LGALS8: variants seen among roughly 807,000 people sequenced by gnomAD.
The protein encoded by LGALS8 is galectin-8.
LGALS8 carries 30 observed loss-of-function variants against 35.9 expected under a neutral mutation model. That is an observed-to-expected ratio of 0.83 (90% CI 0.62 to 1.13). The LOEUF (loss-of-function observed/expected upper bound fraction) is 1.13. Among genes scored for constraint, LGALS8 ranks in the 50% most tolerant of loss-of-function variants. The probability of loss-of-function intolerance (pLI) is 0.00; values close to 1 mark genes in which losing one functional copy is unlikely to be tolerated. For synonymous variants in LGALS8, 138 were observed against 136.1 expected, an observed-to-expected ratio of 1.01 and a Z score of -0.10; for missense variants, 366 against 388.7, an observed-to-expected ratio of 0.94 and a Z score of 0.49.
rs1571987918 is a variant in LGALS8, at chr1:236,525,935, A to G, written c.-103-33A>G. 3.3e-5 allele frequency: 18 copies of G among 544,024 alleles called. No individual in the cohort carries two copies. In the East Asian group the frequency reaches 5.1e-4, roughly 16 times the overall value. 33.7% of individuals were successfully genotyped at this position (544,024 alleles called of 1,614,324 possible). A position where few individuals can be genotyped will look rare whatever the true frequency, so the allele number is the denominator to read the frequency against. ...ATATGAAGAAAAATGCTACATGCTT[A>G]CTTTTCTTTTCCTCTATTTTTACTT... is the stretch of plus-strand genomic sequence containing the variant. On this transcript the variant is annotated intron_variant, in intron 1 of 9. Coordinates refer to ENST00000366584, the MANE Select transcript of LGALS8 (RefSeq NM_201544.4).
At chr1:236,534,297 G>C (rs1485920511) in intron 2 of LGALS8, among the ~76,000 whole-genome samples, 1 of 152,122 alleles carries the variant, frequency 6.6e-6, no homozygotes, top group African/African-American at 2.4e-5. Context: ...CTGACTCTTA[G>C]GCTTCTTTCA....
intron 2 of LGALS8, among the ~76,000 whole-genome samples, chr1:236,529,785 A>T (rs1661045739): frequency 6.6e-6 from 1 of 151,206 alleles, no homozygotes; most frequent in Non-Finnish European, 1.5e-5. Flanking sequence ...AGTAGCTGGG[A>T]CTACAGGCGC....
chr1:236,541,356 T>C (rs1023217804), intron 5 of LGALS8: 4 of 262,376 alleles, frequency 1.5e-5, no homozygotes, highest in Admixed American at 5.7e-5. Flanking sequence ...AAGCAACACA[T>C]GACTGTCTTT....
intron 4 of LGALS8, among the ~76,000 whole-genome samples, chr1:236,539,630 C>A (rs987899299): frequency 1.3e-5 from 2 of 152,198 alleles, no homozygotes; most frequent in African/African-American, 2.4e-5. Flanking sequence ...GAAGCTTACA[C>A]CTGCTGGCCC....
At position 236,550,035 on chromosome 1, in the gene LGALS8, G is replaced by A. The variant is rs913759504; in HGVS notation, c.*1874G>A. Reference sequence around the variant, plus strand: ...ATGTTCTTAGATGCCTTTAAAAAGGGGGCAGATCTAATTTTATTTGAACCC... The same window carrying A: ...ATGTTCTTAGATGCCTTTAAAAAGGAGGCAGATCTAATTTTATTTGAACCC... On this transcript the variant is annotated 3_prime_UTR_variant, in exon 10 of 10. Coordinates refer to ENST00000366584, the MANE Select transcript of LGALS8 (RefSeq NM_201544.4). 18 of 152,068 alleles carry A rather than the reference G, an allele frequency of 1.2e-4. No homozygotes were observed. 9.4% of individuals were successfully genotyped at this position (152,068 alleles called of 1,614,324 possible).
At chr1:236,524,527 A>T (rs754745663) in intron 1 of LGALS8, 30 of 427,600 alleles carry the variant, frequency 7.0e-5, no homozygotes, top group Non-Finnish European at 1.2e-4. Flanking sequence ...CACGCTCTTT[A>T]GGATGCCGAG....
chr1:236,535,090 G>A (rs903093188), intron 2 of LGALS8, among the ~76,000 whole-genome samples: 20 of 149,382 alleles, frequency 1.3e-4, no homozygotes, highest in African/African-American at 4.9e-4. Context: ...AAAAAGTGAT[G>A]GGAATAGATT....
chr1:236,530,583 TCAGC>T (rs1162188709), intron 2 of LGALS8, among the ~76,000 whole-genome samples: 1 of 152,194 alleles, frequency 6.6e-6, no homozygotes, highest in Non-Finnish European at 1.5e-5. Flanking sequence ...TCTCAGTTGC[TCAGC>T]CAGCCCTTCA....
In LGALS8 at chr1:236,549,838, G is replaced by C. The variant is rs1662636396; in HGVS notation, c.*1677G>C. On this transcript the variant is annotated 3_prime_UTR_variant, in exon 10 of 10. Coordinates refer to ENST00000366584, the MANE Select transcript of LGALS8 (RefSeq NM_201544.4). ...TACGTGGAGGAAAAAAATTTAAAAA[G>C]CTATTAGTATTTATTAATGAATTTT... 6.6e-6 allele frequency: 1 copy of C among 152,134 alleles called. No individual in the cohort carries two copies. Among genetic ancestry groups the C allele is most frequent in the Non-Finnish European group, 1.5e-5 (1 of 68,020 alleles). 9.4% of individuals were successfully genotyped at this position (152,134 alleles called of 1,614,324 possible).
upstream of LGALS8, chr1:236,518,541 G>T (rs1660465314): frequency 6.6e-6 from 1 of 152,108 alleles, no homozygotes; most frequent in Non-Finnish European, 1.5e-5. Context: ...TCCTGAAGAT[G>T]TTGCATAATT....
intron 2 of LGALS8, among the ~76,000 whole-genome samples, chr1:236,537,251 G>A (rs1338178198): frequency 2.6e-5 from 4 of 151,916 alleles, no homozygotes; most frequent in African/African-American, 7.3e-5. Flanking sequence ...TGCTGACCTC[G>A]TGATCCTCCC....
chr1:236,532,460 C>T (rs758464220), intron 2 of LGALS8, among the ~76,000 whole-genome samples: 1 of 152,188 alleles, frequency 6.6e-6, no homozygotes, highest in Non-Finnish European at 1.5e-5. Flanking sequence ...GGTTCTGAGT[C>T]TCCAAGTCTT....
chr1:236,530,957 ATGAATAT>A (rs1316473316), intron 2 of LGALS8, among the ~76,000 whole-genome samples: 1 of 152,228 alleles, frequency 6.6e-6, no homozygotes, highest in Non-Finnish European at 1.5e-5. Flanking sequence ...TGAGATACTT[ATGAATAT>A]CCAAAAGTGT....
intron 2 of LGALS8, among the ~76,000 whole-genome samples, chr1:236,531,091 A>G (rs900472194): frequency 3.3e-5 from 5 of 152,148 alleles, no homozygotes; most frequent in Non-Finnish European, 1.5e-5. Context: ...ATGTCATTTT[A>G]TTTAGAACTT....
At chr1:236,521,003 C>A (rs556811400), upstream of LGALS8, among the ~76,000 whole-genome samples, 166 of 152,304 alleles carry the variant, frequency 1.1e-3, 1 homozygote, top group Non-Finnish European at 1.8e-3. Context: ...TCCTTGTCAC[C>A]CAACTAAGGT....
chr1:236,525,001 T>C (rs1193018327), intron 1 of LGALS8, among the ~76,000 whole-genome samples: 2 of 152,182 alleles, frequency 1.3e-5, no homozygotes, highest in Non-Finnish European at 2.9e-5. Context: ...ATTTCCCCTT[T>C]AGTTCTGCTT....
Position 236,538,968 on chromosome 1 carries a change from G to A in LGALS8, c.224G>A (p.Cys75Tyr). The change falls in exon 4 of 10, where the codon TGC becomes TAC. Residue 75 changes from cysteine to tyrosine, a missense_variant. Cys to Tyr is a radical substitution (Grantham distance 194). Coordinates refer to ENST00000366584, the MANE Select transcript of LGALS8 (RefSeq NM_201544.4). ...AATCCTCGTTTCAAAAGGGCCGGCT[G>A]CATTGTTTGCAATACTTTGATAAAT... is the stretch of plus-strand genomic sequence containing the variant. ...HFNPRFKRAGCIVCNTLINEK... is the reference protein window; with the variant it reads ...HFNPRFKRAGYIVCNTLINEK... The A allele has an allele frequency of 6.2e-7, 1 of 1,614,168 alleles. No individual in the cohort carries two copies. The highest frequency in any genetic ancestry group is 8.5e-7 in the Non-Finnish European group (1 of 1,180,036).
chr1:236,530,900 C>T lies in LGALS8; in HGVS notation c.45+4785C>T, dbSNP rs530807195. Among the ~76,000 whole-genome samples, 23 of 152,344 alleles carry T rather than the reference C, an allele frequency of 1.5e-4. 2 individuals are homozygous for T. The South Asian group carries it at 3.7e-3, about 25-fold the overall frequency. ...TTCTACCCTGGTACTTAGTTTTACT[C>T]CCCAAGGGCAATCACTTTTTACTGG... On this transcript the variant is annotated intron_variant, in intron 2 of 9. Transcript: ENST00000366584.
chr1:236,541,580 A>G, intron 5 of LGALS8, 74 bp from the exon 6 acceptor site: 1 of 649,920 alleles, frequency 1.5e-6, no homozygotes, highest in Non-Finnish European at 2.5e-6. Context: ...TAATTTTTTT[A>G]TATGTCAATA....
Sources: gnomAD v4.1 joint callset for allele counts (sites outside exome capture counted in the v4.1 genomes callset) on GRCh38, gnomAD v4.1.1 for gene constraint, MANE v1.5 for transcripts, NCBI Gene and HGNC (gene_info 2026-07-23, HGNC 2026-07-21) for gene names.